CD4: variants seen among roughly 807,000 people sequenced by gnomAD.
The protein encoded by CD4 is T-cell surface glycoprotein CD4.
In CD4, 25 loss-of-function variants were observed where a neutral mutation model predicts 50.5. The ratio of observed to expected loss-of-function variants is 0.49; its 90% confidence interval spans 0.36 to 0.69. CD4 has a LOEUF of 0.69. Among genes scored for constraint, CD4 ranks in the 30% least tolerant of loss-of-function variants. The pLI, the probability that CD4 is intolerant of heterozygous loss-of-function variation, is 0.00. For missense variants in CD4, 456 were observed against 548.5 expected (o/e 0.83, Z 1.68); for synonymous variants, 207 against 221.9 (o/e 0.93, Z 0.60).
At chr12:6,801,192 C>T (rs1469499458) in intron 3 of CD4, among the ~76,000 whole-genome samples, 3 of 150,194 alleles carry the variant, frequency 2.0e-5, no homozygotes, top group Non-Finnish European at 4.4e-5. Flanking sequence ...AGGTGTGTGT[C>T]ACTATGCCTA....
chr12:6,801,377 T>C lies in CD4; in HGVS notation c.214+906T>C, dbSNP rs566154537. ...ACTAAAAATACAAAAATTAGCCAGG[T>C]GTGGGGGTGCAGTCCTGTACTTCCA... On this transcript the variant is annotated intron_variant, in intron 3 of 9. Transcript: ENST00000011653. 5.4e-3 allele frequency among the ~76,000 whole-genome samples: 802 copies of C among 149,348 alleles called. 5 individuals are homozygous for C. Among genetic ancestry groups the C allele is most frequent in the Non-Finnish European group, 8.6e-3 (579 of 67,190 alleles).
chr12:6,814,591 A>G (rs1555117572), intron 4 of CD4, 168 bp from the exon 5 acceptor site: 2 of 712,618 alleles, frequency 2.8e-6, no homozygotes, highest in Non-Finnish European at 5.0e-6. Context: ...AAGAAGAGAG[A>G]GAGGAGGGGA....
chr12:6,790,362 T>C (rs2857227), intron 1 of CD4, among the ~76,000 whole-genome samples: 93,905 of 152,078 alleles, frequency 0.62, 29,247 homozygotes, highest in Middle Eastern at 0.69. Flanking sequence ...TCTTTTAAGA[T>C]TTTTGAACAA....
At chr12:6,808,450 CAAA>C (rs3032789) in intron 3 of CD4, among the ~76,000 whole-genome samples, 89 of 37,644 alleles carry the variant, frequency 2.4e-3, no homozygotes, top group African/African-American at 4.1e-3. Context: ...GATTCTGTCT[CAAA>C]AAAAAAAAAA....
intron 3 of CD4, among the ~76,000 whole-genome samples, chr12:6,809,971 C>T (rs964121300): frequency 6.7e-6 from 1 of 149,632 alleles, no homozygotes; most frequent in Non-Finnish European, 1.5e-5. Flanking sequence ...CTCACTGCAA[C>T]CTTTGTCTCC....
intron 3 of CD4, among the ~76,000 whole-genome samples, chr12:6,805,184 CAAAAA>C (rs1190331748): frequency 2.5e-5 from 2 of 79,118 alleles, no homozygotes; most frequent in African/African-American, 1.1e-4. Flanking sequence ...GACCCTATCT[CAAAAA>C]AAAAAAAAAA....
At chr12:6,791,659 T>C (rs1942165413) in intron 1 of CD4, among the ~76,000 whole-genome samples, 1 of 152,172 alleles carries the variant, frequency 6.6e-6, no homozygotes, top group Admixed American at 6.5e-5. Context: ...GGCAGGAGGA[T>C]GGCTTGAACC....
chr12:6,804,102 C>G (rs1942650087), intron 3 of CD4, among the ~76,000 whole-genome samples: 1 of 145,424 alleles, frequency 6.9e-6, no homozygotes, highest in Admixed American at 7.1e-5. Flanking sequence ...CAGAGCAAGA[C>G]TCTGTCTCAA....
rs1349434778 is a variant in CD4, at chr12:6,798,269, A to G, written c.-67-1803A>G. On this transcript the variant is annotated intron_variant, in intron 1 of 9. Transcript: ENST00000011653. ...ACTGCCACCTCTGCCTCCCGGGTTCACGCCATTCTCCTGCCTCAGCCTCCC... is the reference window on the plus strand; with the variant it reads ...ACTGCCACCTCTGCCTCCCGGGTTCGCGCCATTCTCCTGCCTCAGCCTCCC... Among the ~76,000 whole-genome samples, 5 of 89,748 alleles carry G rather than the reference A, an allele frequency of 5.6e-5. 1 individual carries two copies. The highest frequency in any genetic ancestry group is 2.1e-4 in the African/African-American group (5 of 24,374). 58.9% of individuals were successfully genotyped at this position (89,748 alleles called of 152,430 possible).
intron 3 of CD4, among the ~76,000 whole-genome samples, chr12:6,806,534 C>T (rs1942764783): frequency 6.6e-6 from 1 of 152,094 alleles, no homozygotes; most frequent in African/African-American, 2.4e-5. Context: ...AATATATTCA[C>T]AATCCACATA....
intron 3 of CD4, among the ~76,000 whole-genome samples, chr12:6,802,348 G>A (rs1392915511): frequency 4.1e-5 from 6 of 147,820 alleles, no homozygotes; most frequent in Admixed American, 3.3e-4. Context: ...TTTGAGACAG[G>A]GTCTCACTCT....
At chr12:6,795,899 C>T (rs1942362261) in intron 1 of CD4, among the ~76,000 whole-genome samples, 1 of 152,184 alleles carries the variant, frequency 6.6e-6, no homozygotes. Flanking sequence ...GGCTGTCAGC[C>T]CCTTGGTGGA....
At chr12:6,796,388 G>A (rs528449488) in intron 1 of CD4, among the ~76,000 whole-genome samples, 1 of 152,218 alleles carries the variant, frequency 6.6e-6, no homozygotes, top group South Asian at 2.1e-4. Flanking sequence ...GGAAGACAGA[G>A]TAAGTCTGGA....
chr12:6,809,340 A>T (rs782491854), intron 3 of CD4, among the ~76,000 whole-genome samples: 249 of 152,194 alleles, frequency 1.6e-3, no homozygotes, highest in African/African-American at 5.9e-3. Context: ...TACAAAAAAT[A>T]CAAAAGTTAG....
chr12:6,808,079 CA>C (rs34876182), intron 3 of CD4, among the ~76,000 whole-genome samples: 22,653 of 69,868 alleles, frequency 0.32, 1,579 homozygotes, highest in Non-Finnish European at 0.39. Context: ...GGCTCTTTCT[CA>C]AAAAAAAAAA....
rs186290357 is a variant in CD4, at chr12:6,797,623, C to T, written c.-67-2449C>T. ...TCTCCGCGAGGGGAATGTGGTGGGG[C>T]TATAGGGTGAAGGTGAGGAGAGGGT... On this transcript the variant is annotated intron_variant, in intron 1 of 9. Transcript: ENST00000011653. Among the ~76,000 whole-genome samples, 21 of 152,140 alleles carry T rather than the reference C, an allele frequency of 1.4e-4. No homozygotes were observed. The East Asian group carries it at 3.1e-3, about 22-fold the overall frequency.
At chr12:6,800,964 GGT>G (rs1192607405) in intron 3 of CD4, among the ~76,000 whole-genome samples, 6 of 151,872 alleles carry the variant, frequency 4.0e-5, no homozygotes, top group African/African-American at 1.4e-4. Flanking sequence ...CCAGTGCAGT[GGT>G]GTGATCTCGG....
chr12:6,800,006 T>C (rs2137858006), intron 1 of CD4, 66 bp from the exon 2 acceptor site: 1 of 768,238 alleles, frequency 1.3e-6, no homozygotes, highest in Non-Finnish European at 2.3e-6. Flanking sequence ...GGAGAGGTTG[T>C]GTATCGCCCC....
rs987929405 is a variant in CD4, at chr12:6,792,832, G to A, written c.-68+3170G>A. On this transcript the variant is annotated intron_variant, in intron 1 of 9. Coordinates refer to ENST00000011653, the MANE Select transcript of CD4 (RefSeq NM_000616.5). This position sits in a 1 kb window ranked among gnomAD's most constrained non-coding sequence, Gnocchi z 4.1. ...CAGGGGAGCCCGGGAGAGCCAGCAC[G>A]GCCGCCTGGTATATGAGGCAAAGAG... Among the ~76,000 whole-genome samples the A allele has an allele frequency of 1.4e-4, 21 of 152,188 alleles. No individual in the cohort carries two copies. Among genetic ancestry groups the A allele is most frequent in the Non-Finnish European group, 2.9e-4 (20 of 68,038 alleles).
Sources: allele counts gnomAD v4.1 joint callset (sites outside exome capture counted in the v4.1 genomes callset), GRCh38; gene constraint gnomAD v4.1.1; non-coding constraint Gnocchi (gnomAD v3.1); transcripts MANE v1.5; gene names NCBI Gene and HGNC (gene_info 2026-07-23, HGNC 2026-07-21).